Variants in PCDH17 observed in about 807,000 individuals in gnomAD.
PCDH17 encodes protocadherin 17, also known as protocadherin-17.
PCDH17 carries 21 observed loss-of-function variants against 67.7 expected under a neutral mutation model. The observed-to-expected ratio is 0.31, with a 90% CI of 0.22 to 0.45. The LOEUF is 0.45. PCDH17 is among the 20% of genes least tolerant of loss of function. PCDH17 has a pLI of 1.00. For synonymous variants in PCDH17, 701 were observed against 656.7 expected (o/e 1.07, Z -1.03); for missense variants, 1,471 against 1,564.8 (o/e 0.94, Z 1.01).
At chr13:57,704,582 A>T (rs1955700672) in intron 3 of PCDH17, among the ~76,000 whole-genome samples, 1 of 151,828 alleles carries the variant, frequency 6.6e-6, no homozygotes, top group African/African-American at 2.4e-5. Flanking sequence ...AAAAACAAAA[A>T]AACTACTGAA....
In PCDH17 at chr13:57,725,396, C is replaced by T; in HGVS notation, c.*102C>T. ...CCATTTTACAGGGATGAAGAAAGAC[C>T]AATGCTGCTTTAAGGCTTTTAGTGA... On this transcript the variant is annotated 3_prime_UTR_variant, in exon 4 of 4. Transcript: ENST00000377918. 3 of 1,013,378 alleles carry T rather than the reference C, an allele frequency of 3.0e-6. No homozygotes were observed. Among genetic ancestry groups the T allele is most frequent in the Non-Finnish European group, 4.3e-6 (3 of 696,040 alleles). 62.8% of individuals were successfully genotyped at this position (1,013,378 alleles called of 1,614,324 possible).
chr13:57,646,272 A>G (rs1230631726), intron 1 of PCDH17, among the ~76,000 whole-genome samples: 1 of 151,694 alleles, frequency 6.6e-6, no homozygotes, highest in Non-Finnish European at 1.5e-5. Context: ...TCATATAAAC[A>G]GTATGTTGTC....
At chr13:57,668,966 C>T (rs1381511429) in intron 3 of PCDH17, among the ~76,000 whole-genome samples, 6 of 151,976 alleles carry the variant, frequency 3.9e-5, no homozygotes, top group Admixed American at 1.3e-4. Context: ...ACATTAGTTA[C>T]ATCTCCTAAT....
Position 57,634,653 on chromosome 13 carries a change from G to C in PCDH17, c.2107G>C (p.Asp703His). The change falls in exon 1 of 4, where the codon GAC (aspartate) becomes CAC (histidine). Residue 703 changes from aspartate (D) to histidine (H), a missense_variant. By Grantham distance (81) the Asp-to-His change is moderately conservative. Around this residue, in one of 3 missense-constraint regions of PCDH17, gnomAD observed 1,163 missense variants for 1,230.0 expected, o/e 0.95. Coordinates refer to ENST00000377918, the MANE Select transcript of PCDH17 (RefSeq NM_001040429.3). This position sits in a 1 kb window ranked among gnomAD's most constrained non-coding sequence, Gnocchi z 7.8. ...GGTGAATGGCGAGCAGCACCACTGG[G>C]ACATGTCGCTGCCGCTCATCGTGAC... ...PRVNGEQHHW[D>H]MSLPLIVTLS... 2 of 1,613,496 alleles carry C rather than the reference G, an allele frequency of 1.2e-6. No individual in the cohort carries two copies. The highest frequency in any genetic ancestry group is 8.5e-7 in the Non-Finnish European group (1 of 1,180,000).
intron 3 of PCDH17, among the ~76,000 whole-genome samples, chr13:57,699,926 G>T (rs1038674467): frequency 4.6e-5 from 7 of 151,948 alleles, no homozygotes; most frequent in Non-Finnish European, 1.0e-4. Flanking sequence ...ACAAAACAAA[G>T]GATACTAAAC....
Position 57,632,333 on chromosome 13 carries a change from C to A in PCDH17, c.-214C>A. 1.7e-6 allele frequency: 1 copy of A among 592,852 alleles called. No individual in the cohort carries two copies. Among genetic ancestry groups the A allele is most frequent in the Non-Finnish European group, 3.0e-6 (1 of 336,398 alleles). 36.7% of individuals were successfully genotyped at this position (592,852 alleles called of 1,614,324 possible). A position where few individuals can be genotyped will look rare whatever the true frequency, so the allele number is the denominator to read the frequency against. Reference sequence around the variant, plus strand: ...CTCTGCTGCACCGCAGCTTCTCACCCAGTGCGGATGCTGTAGATCAACAGG... The same window carrying A: ...CTCTGCTGCACCGCAGCTTCTCACCAAGTGCGGATGCTGTAGATCAACAGG... On this transcript the variant is annotated 5_prime_UTR_variant, in exon 1 of 4. Transcript: ENST00000377918.
At chr13:57,716,936 G>A (rs1004297892) in intron 3 of PCDH17, among the ~76,000 whole-genome samples, 5 of 151,902 alleles carry the variant, frequency 3.3e-5, no homozygotes, top group African/African-American at 1.2e-4. Flanking sequence ...TAAAGTAATT[G>A]CTGAACTACA....
At chr13:57,708,279 G>A (rs904226624) in intron 3 of PCDH17, among the ~76,000 whole-genome samples, 1 of 151,896 alleles carries the variant, frequency 6.6e-6, no homozygotes, top group Non-Finnish European at 1.5e-5. Context: ...ATCTAAGAGG[G>A]TCATGTTATA....
intron 3 of PCDH17, among the ~76,000 whole-genome samples, chr13:57,712,452 G>A (rs1289528454): frequency 6.6e-6 from 1 of 151,668 alleles, no homozygotes; most frequent in Non-Finnish European, 1.5e-5. Context: ...ATAAAGAAAT[G>A]TGCTGTGAAA....
intron 3 of PCDH17, among the ~76,000 whole-genome samples, chr13:57,723,450 T>C (rs985470239): frequency 2.6e-5 from 4 of 152,212 alleles, no homozygotes; most frequent in African/African-American, 7.2e-5. Flanking sequence ...ATTTTAAATA[T>C]ATGTTTCATG....
At position 57,632,630 on chromosome 13, in the gene PCDH17, G is replaced by C. The variant is rs138030734; in HGVS notation, c.84G>C (p.Glu28Asp). The C allele has an allele frequency of 6.2e-7, 1 of 1,613,564 alleles. No homozygotes were observed. The highest frequency in any genetic ancestry group is 8.5e-7 in the Non-Finnish European group (1 of 1,179,970). ...LKNLNYSVPE[E>D]QGAGTVIGNI... ...ACCTCAACTACTCCGTGCCGGAGGAGCAAGGGGCCGGCACGGTGATCGGGA... is the reference window on the plus strand; with the variant it reads ...ACCTCAACTACTCCGTGCCGGAGGACCAAGGGGCCGGCACGGTGATCGGGA... The change falls in exon 1 of 4, where the codon GAG becomes GAC. Residue 28 changes from glutamate to aspartate, a missense_variant. Coordinates refer to ENST00000377918, the MANE Select transcript of PCDH17 (RefSeq NM_001040429.3).
intron 1 of PCDH17, among the ~76,000 whole-genome samples, chr13:57,657,582 T>A (rs1196771113): frequency 6.6e-6 from 1 of 152,166 alleles, no homozygotes; most frequent in African/African-American, 2.4e-5. Flanking sequence ...CGAAAAGGCT[T>A]AAAGTGAATT....
intron 3 of PCDH17, among the ~76,000 whole-genome samples, chr13:57,689,052 A>G (rs567019468): frequency 2.0e-5 from 3 of 152,022 alleles, no homozygotes; most frequent in African/African-American, 4.8e-5. Flanking sequence ...GAAGAAATTC[A>G]TTTGTGCTTT....
At chr13:57,648,199 G>A (rs1954989573) in intron 1 of PCDH17, among the ~76,000 whole-genome samples, 1 of 151,728 alleles carries the variant, frequency 6.6e-6, no homozygotes, top group Admixed American at 6.6e-5. Flanking sequence ...AAGGAGCTGT[G>A]GTTCAATATC....
At chr13:57,690,186 A>G (rs893704594) in intron 3 of PCDH17, among the ~76,000 whole-genome samples, 3 of 151,724 alleles carry the variant, frequency 2.0e-5, no homozygotes, top group Non-Finnish European at 4.4e-5. Context: ...TGCATGAAAA[A>G]TAATTATTTT....
intron 1 of PCDH17, among the ~76,000 whole-genome samples, chr13:57,643,159 C>CT (rs1954924335): frequency 6.6e-6 from 1 of 151,432 alleles, no homozygotes; most frequent in Non-Finnish European, 1.5e-5. Flanking sequence ...AGCAATTCAC[C>CT]TTTGACAATC....
At chr13:57,641,575 AAAAAAAAAAAAAATATATATAT>A (rs1454886981) in intron 1 of PCDH17, among the ~76,000 whole-genome samples, 14 of 76,592 alleles carry the variant, frequency 1.8e-4, no homozygotes, top group Admixed American at 1.6e-3. Flanking sequence ...AAAAAAAAAA[AAAAAAAAAAAAAATATATATAT>A]ATATATATAT....
chr13:57,652,118 A>C (rs1955048703), intron 1 of PCDH17, among the ~76,000 whole-genome samples: 1 of 151,712 alleles, frequency 6.6e-6, no homozygotes. Context: ...CTCTACTAAA[A>C]ATACAAAAAA....
At chr13:57,675,351 C>G (rs1955380093) in intron 3 of PCDH17, among the ~76,000 whole-genome samples, 1 of 151,910 alleles carries the variant, frequency 6.6e-6, no homozygotes, top group Non-Finnish European at 1.5e-5. Flanking sequence ...GCTTTTAACT[C>G]ATTCATTTAT....
Sources: allele counts gnomAD v4.1 joint callset (sites outside exome capture counted in the v4.1 genomes callset), GRCh38; gene constraint gnomAD v4.1.1; regional missense constraint gnomAD v4.1.1; non-coding constraint Gnocchi (gnomAD v3.1); transcripts MANE v1.5; gene names NCBI Gene and HGNC (gene_info 2026-07-23, HGNC 2026-07-21).